CRACD: variants seen among roughly 807,000 people sequenced by gnomAD.
The protein encoded by CRACD is capping protein inhibiting regulator of actin dynamics.
In CRACD, 56 loss-of-function variants were observed where a neutral mutation model predicts 106.8. That is an observed-to-expected ratio of 0.52 (90% confidence interval 0.42 to 0.66). CRACD has a LOEUF of 0.66. Among genes scored for constraint, CRACD ranks in the 30% least tolerant of loss-of-function variants. CRACD has a pLI of 0.00. For synonymous variants in CRACD, 754 were observed against 670.8 expected (o/e 1.12, Z -1.92); for missense variants, 1,730 against 1,623.2 (o/e 1.07, Z -1.13).
intron 2 of CRACD, among the ~76,000 whole-genome samples, chr4:56,268,815 A>G (rs530922794): frequency 6.6e-6 from 1 of 152,346 alleles, no homozygotes; most frequent in East Asian, 1.9e-4. Context: ...ACACATGCCT[A>G]GTGCTCTTGG....
chr4:56,076,013 T>C (rs1732827701), intron 1 of CRACD, among the ~76,000 whole-genome samples: 1 of 152,214 alleles, frequency 6.6e-6, no homozygotes, highest in Non-Finnish European at 1.5e-5. Context: ...GCTGGAAGAA[T>C]GTTTCCCTTC....
chr4:56,185,223 CT>C (rs1737035927), intron 2 of CRACD, among the ~76,000 whole-genome samples: 1 of 152,216 alleles, frequency 6.6e-6, no homozygotes, highest in Non-Finnish European at 1.5e-5. Context: ...TCCCAAAGTG[CT>C]GGGATTACAG....
chr4:56,060,006 G>C (rs1044238443), intron 1 of CRACD, among the ~76,000 whole-genome samples: 1 of 152,158 alleles, frequency 6.6e-6, no homozygotes, highest in African/African-American at 2.4e-5. Context: ...CTTGAAAAAA[G>C]AAAATGCAGC....
intron 1 of CRACD, among the ~76,000 whole-genome samples, chr4:56,085,543 A>C (rs1375208882): frequency 6.6e-6 from 1 of 152,194 alleles, no homozygotes; most frequent in African/African-American, 2.4e-5. Context: ...AGAGGTTGGC[A>C]AAGTTTTCCT....
intron 2 of CRACD, among the ~76,000 whole-genome samples, chr4:56,261,407 G>C (rs537503410): frequency 3.4e-4 from 50 of 147,890 alleles, no homozygotes; most frequent in African/African-American, 1.2e-3. Context: ...ACCCAGGCTG[G>C]AGTGCAATGG....
intron 1 of CRACD, among the ~76,000 whole-genome samples, chr4:56,125,091 G>A (rs770363516): frequency 1.1e-4 from 16 of 152,154 alleles, no homozygotes; most frequent in Non-Finnish European, 7.3e-5. Flanking sequence ...TAGGTTTGGG[G>A]AATGGATACT....
intron 1 of CRACD, among the ~76,000 whole-genome samples, chr4:56,159,487 A>C (rs931414712): frequency 7.2e-5 from 11 of 152,062 alleles, no homozygotes; most frequent in Admixed American, 5.9e-4. Context: ...CATTCTACTA[A>C]AAATACAAAA....
At chr4:56,098,231 G>A (rs914301625) in intron 1 of CRACD, among the ~76,000 whole-genome samples, 1 of 152,154 alleles carries the variant, frequency 6.6e-6, no homozygotes, top group Non-Finnish European at 1.5e-5. Flanking sequence ...GGCACCAAAA[G>A]CATAATAGGA....
chr4:56,162,886 T>C (rs537997893), intron 1 of CRACD, among the ~76,000 whole-genome samples: 65 of 152,330 alleles, frequency 4.3e-4, no homozygotes, highest in African/African-American at 1.5e-3. Flanking sequence ...AAGGGCCAGA[T>C]GGTAAAGGTT....
intron 1 of CRACD, among the ~76,000 whole-genome samples, chr4:56,171,577 G>T (rs927797012): frequency 2.6e-5 from 4 of 152,128 alleles, no homozygotes; most frequent in Non-Finnish European, 4.4e-5. Context: ...AAGGTAAGGT[G>T]GGGGGTAAAG....
chr4:56,070,847 C>CTGTGTGTGTGTG (rs60372588), intron 1 of CRACD, among the ~76,000 whole-genome samples: 15,517 of 120,186 alleles, frequency 0.13, 1,475 homozygotes, highest in African/African-American at 0.13. Context: ...AGGGGCTATG[C>CTGTGTGTGTGTG]TGTGTGTGTG....
chr4:56,217,441 G>C (rs1426771332), intron 2 of CRACD, among the ~76,000 whole-genome samples: 11 of 152,018 alleles, frequency 7.2e-5, no homozygotes, highest in Non-Finnish European at 1.2e-4. Flanking sequence ...TGGGGTGGGA[G>C]GGGGAGGGAT....
intron 2 of CRACD, chr4:56,246,774 G>A (rs1415852924): frequency 2.6e-5 from 4 of 152,204 alleles, no homozygotes; most frequent in Non-Finnish European, 5.9e-5. Flanking sequence ...GGAAATGGGG[G>A]AAGAAACAGG....
chr4:56,314,537 G>A lies in CRACD; in HGVS notation c.1035G>A (p.Arg345=), dbSNP rs995045903. ...LEEDARLEER[R]RQEEEEGRCA... ...AGGACGCCAGGCTGGAGGAGCGGAG[G>A]CGGCAGGAGGAGGAGGAAGGAAGAT... The change falls in exon 8 of 11, where the codon AGG becomes AGA. Residue 345 remains arginine (R), a synonymous_variant. Transcript: ENST00000682029. This position sits in a 1 kb window ranked among gnomAD's most constrained non-coding sequence, Gnocchi z 4.4. The A allele has an allele frequency of 4.0e-6, 6 of 1,509,202 alleles. No homozygotes were observed. In the African/African-American group the frequency reaches 5.6e-5, roughly 14 times the overall value. The allele number at this position is 1,509,202 out of a possible 1,614,324, so 93.5% of individuals were successfully genotyped here.
chr4:56,222,845 G>T (rs536993429), intron 2 of CRACD, among the ~76,000 whole-genome samples: 1 of 151,932 alleles, frequency 6.6e-6, no homozygotes, highest in South Asian at 2.1e-4. Flanking sequence ...TGTGGGTGGT[G>T]TGCGCCTGTA....
intron 2 of CRACD, among the ~76,000 whole-genome samples, chr4:56,186,290 C>T (rs1288434813): frequency 2.6e-5 from 4 of 152,178 alleles, no homozygotes; most frequent in Non-Finnish European, 5.9e-5. Context: ...AACCTGTCTG[C>T]AAGTCTCTTT....
intron 3 of CRACD, among the ~76,000 whole-genome samples, chr4:56,273,918 G>GA (rs1742517989): frequency 6.6e-6 from 1 of 152,202 alleles, no homozygotes; most frequent in South Asian, 2.1e-4. Context: ...TCTGTGGTGT[G>GA]TGTCAGTAAG....
chr4:56,212,611 G>T (rs772227718), intron 2 of CRACD, among the ~76,000 whole-genome samples: 13 of 152,094 alleles, frequency 8.5e-5, no homozygotes, highest in Non-Finnish European at 1.8e-4. Flanking sequence ...TAATTCTTTT[G>T]AAATTATGGA....
intron 2 of CRACD, among the ~76,000 whole-genome samples, chr4:56,197,761 T>G (rs1437867001): frequency 6.6e-6 from 1 of 151,582 alleles, no homozygotes; most frequent in Non-Finnish European, 1.5e-5. Flanking sequence ...CACTGCAAGC[T>G]CCTCCTCCCG....
Sources: gnomAD v4.1 joint callset for allele counts (sites outside exome capture counted in the v4.1 genomes callset) on GRCh38, gnomAD v4.1.1 for gene constraint, Gnocchi (gnomAD v3.1) non-coding constraint, MANE v1.5 for transcripts, NCBI Gene and HGNC (gene_info 2026-07-23, HGNC 2026-07-21) for gene names.